NBAS: variants seen among roughly 807,000 people sequenced by gnomAD.
NBAS encodes NAG/BC035112 fusion.
In NBAS, 219 loss-of-function variants were observed where a neutral mutation model predicts 302.5. That is an observed-to-expected ratio of 0.72 (90% CI 0.65 to 0.81). The LOEUF is 0.81. NBAS is among the 30% of genes least tolerant of loss of function. NBAS has a pLI of 0.00. For synonymous variants in NBAS, 1,118 were observed against 1,021.6 expected, an observed-to-expected ratio of 1.09 and a Z score of -1.80; for missense variants, 2,932 against 2,841.6, an observed-to-expected ratio of 1.03 and a Z score of -0.72.
At chr2:15,414,678 C>T (rs1256130770) in intron 25 of NBAS, among the ~76,000 whole-genome samples, 1 of 152,204 alleles carries the variant, frequency 6.6e-6, no homozygotes, top group East Asian at 1.9e-4. Context: ...TGCGCAGTGG[C>T]TCACGCCTGT....
At position 15,478,239 on chromosome 2, in the gene NBAS, T is replaced by A; in HGVS notation, c.1134A>T (p.Arg378Ser). 6.2e-7 allele frequency: 1 copy of A among 1,607,000 alleles called. No homozygotes were observed. The highest frequency in any genetic ancestry group is 1.7e-4 in the Middle Eastern group (1 of 6,050). The stretch of plus-strand genomic sequence containing the variant: ...CGTAGAACTCACCTTTGATTTTTTT[T>A]CTCTTCTCAGTAGAGAGCCTCCAAT... ...NPDWRLSTEK[R>S]KKIKDKESFY... Residue 378 changes from arginine (R) to serine (S), a missense_variant, in exon 13 of 52, where the codon AGA becomes AGT. By Grantham distance (110) the Arg-to-Ser change is moderately radical. Coordinates refer to ENST00000281513, the MANE Select transcript of NBAS (RefSeq NM_015909.4).
At chr2:15,062,375 GCCAATTGGGCTATTTATA>G in the NBAS span, among the ~76,000 whole-genome samples, 1 of 152,320 alleles carries the variant, frequency 6.6e-6, no homozygotes, top group East Asian at 1.9e-4. Context: ...TGCCTGAGCT[GCCAATTGGGCTATTTATA>G]CTAGAGGAAG....
chr2:15,155,002 A>G, the NBAS span, among the ~76,000 whole-genome samples: 3 of 152,226 alleles, frequency 2.0e-5, no homozygotes, highest in Non-Finnish European at 4.4e-5. Flanking sequence ...AAATGTATAA[A>G]ATACTAGAGC....
intron 44 of NBAS, among the ~76,000 whole-genome samples, chr2:15,242,497 C>A (rs537551379): frequency 1.3e-5 from 2 of 151,974 alleles, no homozygotes; most frequent in Non-Finnish European, 2.9e-5. Flanking sequence ...AAAACAGGTT[C>A]ATTGCTGAAA....
At chr2:15,084,330 T>G in the NBAS span, among the ~76,000 whole-genome samples, 1 of 152,248 alleles carries the variant, frequency 6.6e-6, no homozygotes, top group Non-Finnish European at 1.5e-5. Context: ...CCCAAAGTGC[T>G]GGTATTACAG....
At chr2:15,100,832 C>A in the NBAS span, among the ~76,000 whole-genome samples, 1 of 152,144 alleles carries the variant, frequency 6.6e-6, no homozygotes, top group African/African-American at 2.4e-5. Flanking sequence ...GTTGGTGTGT[C>A]AACTATAATG....
chr2:15,336,196 T>C (rs978963946), intron 35 of NBAS, among the ~76,000 whole-genome samples: 2 of 152,202 alleles, frequency 1.3e-5, no homozygotes, highest in African/African-American at 4.8e-5. Flanking sequence ...CTTAAGACAG[T>C]ATCACACTTC....
At chr2:14,807,669 T>TA in the NBAS span, among the ~76,000 whole-genome samples, 1 of 152,304 alleles carries the variant, frequency 6.6e-6, no homozygotes, top group Non-Finnish European at 1.5e-5. Flanking sequence ...CTGTAAAACT[T>TA]AAAGCTTAAA....
At chr2:15,120,275 G>T in the NBAS span, among the ~76,000 whole-genome samples, 1 of 152,086 alleles carries the variant, frequency 6.6e-6, no homozygotes, top group Non-Finnish European at 1.5e-5. Flanking sequence ...CCAGGGTATT[G>T]GTTGGTAAAT....
At chr2:15,023,838 C>CTAA in the NBAS span, among the ~76,000 whole-genome samples, 1 of 151,550 alleles carries the variant, frequency 6.6e-6, no homozygotes, top group Non-Finnish European at 1.5e-5. Context: ...ATTTTTATCA[C>CTAA]TAATATTTTC....
chr2:15,199,118 C>T (rs1445423530), intron 48 of NBAS, among the ~76,000 whole-genome samples: 6 of 126,766 alleles, frequency 4.7e-5, no homozygotes, highest in African/African-American at 1.9e-4. Context: ...CAGAGTAAGA[C>T]TCCATCTCAA....
chr2:15,000,427 C>A, the NBAS span, among the ~76,000 whole-genome samples: 1 of 152,152 alleles, frequency 6.6e-6, no homozygotes, highest in Non-Finnish European at 1.5e-5. Context: ...AGATGGGAGC[C>A]TGACCTTGCT....
At chr2:15,302,821 C>T (rs1360697207) in intron 40 of NBAS, among the ~76,000 whole-genome samples, 1 of 152,166 alleles carries the variant, frequency 6.6e-6, no homozygotes, top group Non-Finnish European at 1.5e-5. Context: ...TAATCAGCTG[C>T]CAGTGTGCCT....
In NBAS at chr2:15,259,735, G is replaced by C. The variant is rs140429068; in HGVS notation, c.5724+15749C>G. 2.4e-3 allele frequency among the ~76,000 whole-genome samples: 366 copies of C among 152,278 alleles called. 1 individual carries two copies. The highest frequency in any genetic ancestry group is 8.1e-3 in the African/African-American group (338 of 41,558). ...ACATGAGCAGTTTGTTTCTTCTCCA[G>C]ATAAGTGCCAATTTGCAAACCAAGA... On this transcript the variant is annotated intron_variant, in intron 44 of 51. Transcript: ENST00000281513.
chr2:15,195,730 T>C (rs981143819), intron 48 of NBAS, among the ~76,000 whole-genome samples: 3 of 152,146 alleles, frequency 2.0e-5, no homozygotes, highest in Admixed American at 1.3e-4. Flanking sequence ...AGCTTCCTGA[T>C]TGGATCTCAG....
chr2:15,037,359 G>A, the NBAS span, among the ~76,000 whole-genome samples: 22 of 152,052 alleles, frequency 1.4e-4, no homozygotes, highest in African/African-American at 4.8e-4. Context: ...GTCCCCACCC[G>A]CAAGGCAGGG....
chr2:15,515,875 A>G (rs1017892909), intron 9 of NBAS, among the ~76,000 whole-genome samples: 2 of 152,160 alleles, frequency 1.3e-5, no homozygotes, highest in East Asian at 1.9e-4. Flanking sequence ...GAAAGTCCAC[A>G]TTTCTCATTA....
At chr2:14,861,507 C>CTGTTTT in the NBAS span, among the ~76,000 whole-genome samples, 1 of 152,202 alleles carries the variant, frequency 6.6e-6, no homozygotes, top group Non-Finnish European at 1.5e-5. Context: ...AAAAACAAAA[C>CTGTTTT]ATCTTCCCTT....
intron 24 of NBAS, among the ~76,000 whole-genome samples, chr2:15,417,024 G>A (rs569517670): frequency 2.6e-5 from 4 of 152,134 alleles, no homozygotes; most frequent in Non-Finnish European, 2.9e-5. Flanking sequence ...CTTGCCTGTT[G>A]ACTCAGTGGC....
Sources: gnomAD v4.1 joint callset for allele counts (sites outside exome capture counted in the v4.1 genomes callset) on GRCh38, gnomAD v4.1.1 for gene constraint, MANE v1.5 for transcripts, NCBI Gene and HGNC (gene_info 2026-07-23, HGNC 2026-07-21) for gene names.